Variants in PCDHA12 observed in about 807,000 individuals in gnomAD.
PCDHA12 encodes the protein protocadherin alpha 12, also known as protocadherin alpha-12.
Under a neutral mutation model 60.0 loss-of-function variants are expected in PCDHA12, and 44 were observed. The ratio of observed to expected loss-of-function variants is 0.73; its 90% confidence interval spans 0.58 to 0.94. The LOEUF is 0.94. Among genes scored for constraint, PCDHA12 ranks in the 40% least tolerant of loss-of-function variants. PCDHA12 has a pLI of 0.00. For missense variants in PCDHA12, 1,276 were observed against 1,239.7 expected, an observed-to-expected ratio of 1.03 and a Z score of -0.44; for synonymous variants, 569 against 553.0, an observed-to-expected ratio of 1.03 and a Z score of -0.40.
At chr5:140,991,071 T>A (rs2097430480) in intron 3 of PCDHA12, among the ~76,000 whole-genome samples, 1 of 152,152 alleles carries the variant, frequency 6.6e-6, no homozygotes, top group African/African-American at 2.4e-5. Flanking sequence ...ATTCCCATGT[T>A]TCAGATAAAA....
intron 1 of PCDHA12, chr5:140,882,990 A>T (rs1554176394): frequency 6.2e-7 from 1 of 1,614,130 alleles, no homozygotes; most frequent in Admixed American, 1.7e-5. Context: ...AACGCCCCGG[A>T]ATTTTACCAA....
At chr5:140,902,185 TTC>T (rs370111655) in intron 1 of PCDHA12, among the ~76,000 whole-genome samples, 3 of 150,766 alleles carry the variant, frequency 2.0e-5, no homozygotes, top group South Asian at 2.1e-4. Flanking sequence ...CCTTTATGTC[TTC>T]TCTCTCTCTC....
intron 1 of PCDHA12, among the ~76,000 whole-genome samples, chr5:140,914,843 A>G (rs1269507537): frequency 6.6e-6 from 1 of 152,142 alleles, no homozygotes; most frequent in Non-Finnish European, 1.5e-5. Context: ...CAAACACACA[A>G]AAGGAAGACT....
intron 1 of PCDHA12, among the ~76,000 whole-genome samples, chr5:140,952,265 G>A (rs1292970434): frequency 6.6e-6 from 1 of 151,556 alleles, no homozygotes; most frequent in African/African-American, 2.4e-5. Context: ...CCCATTCTGG[G>A]GTCTTGAGGG....
chr5:140,939,560 T>C (rs2153641939), intron 1 of PCDHA12, among the ~76,000 whole-genome samples: 1 of 151,934 alleles, frequency 6.6e-6, no homozygotes, highest in African/African-American at 2.4e-5. Flanking sequence ...TGTATTAGTT[T>C]GGTTAATCAA....
In PCDHA12 at chr5:140,876,087, G is replaced by T. The variant is rs1554168252; in HGVS notation, c.615G>T (p.Thr205=). ...GGAAGTTATTGGACAGAGAGCAAAC[G>T]CCAAAACTCAATTTATTGCTGATGG... ...VLRKLLDREQ[T]PKLNLLLMVI... Residue 205 remains threonine (T), a synonymous_variant, in exon 1 of 4, where the codon ACG becomes ACT. Coordinates refer to ENST00000398631, the MANE Select transcript of PCDHA12 (RefSeq NM_018903.4). The T allele has an allele frequency of 1.9e-6, 3 of 1,613,922 alleles. No individual in the cohort carries two copies. The South Asian group carries it at 3.3e-5, about 18-fold the overall frequency.
intron 1 of PCDHA12, among the ~76,000 whole-genome samples, chr5:140,938,125 A>T (rs1339364898): frequency 6.6e-6 from 1 of 152,120 alleles, no homozygotes; most frequent in Non-Finnish European, 1.5e-5. Context: ...TTTTTTAAAA[A>T]AATAGAGATA....
chr5:140,934,833 G>C (rs1584817572), intron 1 of PCDHA12, among the ~76,000 whole-genome samples: 1 of 152,100 alleles, frequency 6.6e-6, no homozygotes, highest in Admixed American at 6.5e-5. Context: ...GGCAAGTTGG[G>C]AACTGTTCAG....
intron 3 of PCDHA12, 155 bp downstream of exon 3, chr5:140,982,718 T>A: frequency 1.1e-6 from 1 of 924,050 alleles, no homozygotes; most frequent in Non-Finnish European, 1.3e-6. Flanking sequence ...CATATATGAT[T>A]ATTTTGATTT....
At chr5:140,962,455 A>G (rs571453201) in intron 1 of PCDHA12, among the ~76,000 whole-genome samples, 4 of 152,246 alleles carry the variant, frequency 2.6e-5, no homozygotes, top group Non-Finnish European at 4.4e-5. Flanking sequence ...TGAATCTCTT[A>G]TGGCTTGAAT....
chr5:140,960,417 A>G (rs1340642372), intron 1 of PCDHA12, among the ~76,000 whole-genome samples: 10 of 152,218 alleles, frequency 6.6e-5, no homozygotes, highest in African/African-American at 1.9e-4. Flanking sequence ...CAAAAAGTCA[A>G]CAATTACTTG....
intron 3 of PCDHA12, among the ~76,000 whole-genome samples, chr5:141,000,804 G>A (rs2097964510): frequency 6.6e-6 from 1 of 151,886 alleles, no homozygotes; most frequent in African/African-American, 2.4e-5. Flanking sequence ...CTACTCAGAA[G>A]GCTGAGGTGG....
intron 1 of PCDHA12, chr5:140,968,638 A>T: frequency 6.2e-7 from 1 of 1,614,184 alleles, no homozygotes; most frequent in Non-Finnish European, 8.5e-7. Context: ...TTTACCATCT[A>T]GCCCAGACTT....
chr5:140,912,007 C>A lies in PCDHA12; in HGVS notation c.2367+34168C>A, dbSNP rs572487277. Among the ~76,000 whole-genome samples, 3 of 152,282 alleles carry A rather than the reference C, an allele frequency of 2.0e-5. No homozygotes were observed. The East Asian group carries it at 5.8e-4, about 29-fold the overall frequency. On this transcript the variant is annotated intron_variant, in intron 1 of 3. Coordinates refer to ENST00000398631, the MANE Select transcript of PCDHA12 (RefSeq NM_018903.4). ...ACAAGGTCCCACAATAGGCCATCTGCAAGCTGAGGAGCAAGCAAGCCAATC... is the reference window on the plus strand; with the variant it reads ...ACAAGGTCCCACAATAGGCCATCTGAAAGCTGAGGAGCAAGCAAGCCAATC...
chr5:140,931,161 C>G (rs1214685588), intron 1 of PCDHA12, among the ~76,000 whole-genome samples: 5 of 152,132 alleles, frequency 3.3e-5, no homozygotes, highest in African/African-American at 1.2e-4. Flanking sequence ...AATAGAATCT[C>G]AGTTAATTTT....
At chr5:140,951,948 A>G (rs2153694438) in intron 1 of PCDHA12, among the ~76,000 whole-genome samples, 1 of 152,322 alleles carries the variant, frequency 6.6e-6, no homozygotes, top group South Asian at 2.1e-4. Context: ...GTGCGGGTAC[A>G]GGCATTGGGT....
intron 1 of PCDHA12, among the ~76,000 whole-genome samples, chr5:140,886,071 A>G (rs985861864): frequency 3.9e-5 from 6 of 152,338 alleles, no homozygotes; most frequent in South Asian, 2.1e-4. Context: ...GCGTAGGGCC[A>G]TACCACAACC....
At chr5:140,969,439 T>C (rs1554231802) in intron 1 of PCDHA12, 2 of 1,546,634 alleles carry the variant, frequency 1.3e-6, no homozygotes, top group Admixed American at 3.9e-5. Context: ...AAGAGTTATC[T>C]GGTAAACTGA....
intron 1 of PCDHA12, among the ~76,000 whole-genome samples, chr5:140,922,137 T>A (rs1235551628): frequency 2.0e-5 from 3 of 151,994 alleles, no homozygotes; most frequent in African/African-American, 7.3e-5. Context: ...TCTCTTATCC[T>A]CCATGAAACT....
Sources: allele counts gnomAD v4.1 joint callset (sites outside exome capture counted in the v4.1 genomes callset), GRCh38; gene constraint gnomAD v4.1.1; transcripts MANE v1.5; gene names NCBI Gene and HGNC (gene_info 2026-07-23, HGNC 2026-07-21).